Variants in TNFRSF1B observed in about 807,000 individuals in gnomAD.
TNFRSF1B encodes the protein tumor necrosis factor receptor superfamily member 1B.
Under a neutral mutation model 44.6 loss-of-function variants are expected in TNFRSF1B, and 19 were observed. The ratio of observed to expected loss-of-function variants is 0.43; its 90% CI spans 0.30 to 0.62. TNFRSF1B has a LOEUF of 0.62. Among genes scored for constraint, TNFRSF1B ranks in the 20% least tolerant of loss-of-function variants. The probability of loss-of-function intolerance (pLI) is 0.16; values close to 1 mark genes in which losing one functional copy is unlikely to be tolerated. For synonymous variants in TNFRSF1B, 252 were observed against 261.1 expected (o/e 0.97, Z 0.34); for missense variants, 541 against 619.9 (o/e 0.87, Z 1.35).
At chr1:12,200,474 G>A (rs1163953559) in intron 8 of TNFRSF1B, among the ~76,000 whole-genome samples, 1 of 151,980 alleles carries the variant, frequency 6.6e-6, no homozygotes, top group Non-Finnish European at 1.5e-5. Context: ...GGACTGTATG[G>A]TCTCAGTGAC....
chr1:12,206,616 T>A (rs1639508192), intron 9 of TNFRSF1B, 124 bp from the exon 10 acceptor site: 1 of 1,061,876 alleles, frequency 9.4e-7, no homozygotes, highest in Admixed American at 2.9e-5. Flanking sequence ...TGGGCTAGAA[T>A]CTTGGTCTCG....
intron 8 of TNFRSF1B, among the ~76,000 whole-genome samples, chr1:12,201,466 T>C (rs1325703827): frequency 7.1e-6 from 1 of 140,196 alleles, no homozygotes; most frequent in Non-Finnish European, 1.6e-5. Flanking sequence ...TCTCCCTTTA[T>C]AGAGTAAAAA....
rs977522413 is a variant in TNFRSF1B at position 12,168,137 on chromosome 1, G to A, written c.78+968G>A. On this transcript the variant is annotated intron_variant, in intron 1 of 9. Coordinates refer to ENST00000376259, the MANE Select transcript of TNFRSF1B (RefSeq NM_001066.3). The surrounding 1 kb of genome is among the most constrained non-coding windows in gnomAD (Gnocchi z 4.7). ...CTGGGGGGAACTCTTCCTCCAAAGG[G>A]GGCCTCTCCTGCCTTCGGCCCCTGT... is the stretch of plus-strand genomic sequence containing the variant. Among the ~76,000 whole-genome samples, 4 of 152,236 alleles carry A rather than the reference G, an allele frequency of 2.6e-5. No individual in the cohort carries two copies. Among genetic ancestry groups the A allele is most frequent in the African/African-American group, 9.6e-5 (4 of 41,460 alleles).
rs1233140694 is a variant in TNFRSF1B, at chr1:12,171,179, T to TC, written c.78+4010_78+4011insC. Among the ~76,000 whole-genome samples the TC allele has an allele frequency of 1.3e-5, 2 of 149,940 alleles. No homozygotes were observed. The highest frequency in any genetic ancestry group is 3.0e-5 in the Non-Finnish European group (2 of 67,264). On this transcript the variant is annotated intron_variant, in intron 1 of 9. Coordinates refer to ENST00000376259, the MANE Select transcript of TNFRSF1B (RefSeq NM_001066.3). This position sits in a 1 kb window ranked among gnomAD's most constrained non-coding sequence, Gnocchi z 4.5. The stretch of plus-strand genomic sequence containing the variant: ...CACCATGCCCGGCTAATTTTTCCTT[T>TC]TTTTTTTTTTTTTTAGTAGAGACCG...
At position 12,208,269 on chromosome 1, in the gene TNFRSF1B, A is replaced by C. The variant is rs1639558070; in HGVS notation, c.*1249A>C. 1 of 152,736 alleles carries C rather than the reference A, an allele frequency of 6.5e-6. No homozygotes were observed. Among genetic ancestry groups the C allele is most frequent in the Non-Finnish European group, 1.5e-5 (1 of 68,090 alleles). The allele number at this position is 152,736 out of a possible 1,614,324, so 9.5% of individuals were successfully genotyped here. ...TAGAGATGACTGAGTCCTCGTAGCCATCTCTCTACTCCTACCTCAGCCTAG... is the reference window on the plus strand; with the variant it reads ...TAGAGATGACTGAGTCCTCGTAGCCCTCTCTCTACTCCTACCTCAGCCTAG... On this transcript the variant is annotated 3_prime_UTR_variant, in exon 10 of 10. Transcript: ENST00000376259.
chr1:12,198,393 G>A (rs1185779866), intron 8 of TNFRSF1B, among the ~76,000 whole-genome samples: 1 of 152,122 alleles, frequency 6.6e-6, no homozygotes, highest in African/African-American at 2.4e-5. Flanking sequence ...TAATGATCAC[G>A]GCCTGGGACA....
chr1:12,201,471 TAAAA>T (rs79883375), intron 8 of TNFRSF1B, among the ~76,000 whole-genome samples: 1 of 126,648 alleles, frequency 7.9e-6, no homozygotes, highest in Admixed American at 8.1e-5. Flanking sequence ...CTTTATAGAG[TAAAA>T]AAAAAAAAAA....
intron 8 of TNFRSF1B, among the ~76,000 whole-genome samples, chr1:12,200,868 G>A (rs1639376120): frequency 6.6e-6 from 1 of 152,194 alleles, no homozygotes; most frequent in Admixed American, 6.5e-5. Flanking sequence ...TGATCCGCCT[G>A]CCTCAGCCTC....
intron 1 of TNFRSF1B, among the ~76,000 whole-genome samples, chr1:12,170,992 T>G (rs1042794692): frequency 1.3e-5 from 2 of 151,232 alleles, no homozygotes; most frequent in Admixed American, 1.3e-4. Flanking sequence ...CACTTCTTCT[T>G]CTTTTTTTCT....
Position 12,171,565 on chromosome 1 carries a change from T to G in TNFRSF1B, c.78+4396T>G, listed in dbSNP as rs1283337409. ...CTTGACCTATTCTATTTATTTCACT[T>G]TTATTATGTCTTCCCACAAGATTGT... On this transcript the variant is annotated intron_variant, in intron 1 of 9. Transcript: ENST00000376259. The surrounding 1 kb of genome is among the most constrained non-coding windows in gnomAD (Gnocchi z 4.5). Among the ~76,000 whole-genome samples the G allele has an allele frequency of 6.6e-6, 1 of 152,242 alleles. No individual in the cohort carries two copies. The highest frequency in any genetic ancestry group is 1.5e-5 in the Non-Finnish European group (1 of 68,040).
chr1:12,206,717 C>T (rs555457691), intron 9 of TNFRSF1B, 23 bp from the exon 10 acceptor site: 8 of 1,549,578 alleles, frequency 5.2e-6, no homozygotes, highest in Non-Finnish European at 7.0e-6. Flanking sequence ...GGACTGACCC[C>T]CACCCCATCT....
rs955208823 is a variant in TNFRSF1B at position 12,178,079 on chromosome 1, G to C, written c.79-10717G>C. On this transcript the variant is annotated intron_variant, in intron 1 of 9. Transcript: ENST00000376259. The surrounding 1 kb of genome is among the most constrained non-coding windows in gnomAD (Gnocchi z 4.3). The stretch of plus-strand genomic sequence containing the variant: ...CCTCCAATGAGGTGGTGGTGGAGGA[G>C]ACCGTGAGCCGCTGTCACCTGAACA... Among the ~76,000 whole-genome samples the C allele has an allele frequency of 6.6e-6, 1 of 152,242 alleles. No homozygotes were observed.
chr1:12,205,279 C>A (rs1473896915), intron 9 of TNFRSF1B, among the ~76,000 whole-genome samples: 1 of 151,932 alleles, frequency 6.6e-6, no homozygotes, highest in African/African-American at 2.4e-5. Context: ...GCCCAGGGGA[C>A]CTGAAGGGCT....
At chr1:12,170,509 C>T (rs1638497691) in intron 1 of TNFRSF1B, among the ~76,000 whole-genome samples, 1 of 152,220 alleles carries the variant, frequency 6.6e-6, no homozygotes, top group African/African-American at 2.4e-5. Flanking sequence ...CAGTGGCTCC[C>T]CGTAGCACTG....
chr1:12,167,064 A>G lies in TNFRSF1B; in HGVS notation c.-28A>G. ...TGCGAGGGCGCGAGGGCGCGAGGGC[A>G]GGGGGCAACCGGACCCCGCCCGCAC... On this transcript the variant is annotated 5_prime_UTR_variant, in exon 1 of 10. Transcript: ENST00000376259. 1 of 1,281,674 alleles carries G rather than the reference A, an allele frequency of 7.8e-7. No homozygotes were observed. The highest frequency in any genetic ancestry group is 9.9e-7 in the Non-Finnish European group (1 of 1,013,766). The allele number at this position is 1,281,674 out of a possible 1,614,324, so 79.4% of individuals were successfully genotyped here.
In TNFRSF1B at chr1:12,191,699, G is replaced by C. The variant is rs188039160; in HGVS notation, c.308-75G>C. The C allele has an allele frequency of 1.8e-4, 280 of 1,587,372 alleles. No homozygotes were observed. The East Asian group carries it at 5.9e-3, about 34-fold the overall frequency. The stretch of plus-strand genomic sequence containing the variant: ...TCCTGGAGATCCGCTGTCTGAGAGT[G>C]CTGGGCTGTCTGGGAGGGCAGCGTG... On this transcript the variant is annotated intron_variant, in intron 3 of 9. Transcript: ENST00000376259.
rs968980130 is a variant in TNFRSF1B, at chr1:12,208,951, GA to G, written c.*1940del. ...ACAGAGTGAGACCCTGTCTCTTAAA[GA>G]AAAAAAAAGTCAGACTGCTGGGACT... On this transcript the variant is annotated 3_prime_UTR_variant, in exon 10 of 10. Coordinates refer to ENST00000376259, the MANE Select transcript of TNFRSF1B (RefSeq NM_001066.3). 6.6e-5 allele frequency: 10 copies of G among 151,392 alleles called. No individual in the cohort carries two copies. The East Asian group carries it at 1.4e-3, about 20-fold the overall frequency. The allele number at this position is 151,392 out of a possible 1,614,324, so 9.4% of individuals were successfully genotyped here.
chr1:12,170,770 G>A (rs1255432430), intron 1 of TNFRSF1B, among the ~76,000 whole-genome samples: 2 of 150,586 alleles, frequency 1.3e-5, no homozygotes, highest in African/African-American at 2.4e-5. Flanking sequence ...GGGTTCAAAC[G>A]ATTCTCCTGC....
chr1:12,176,004 C>T (rs1040234517), intron 1 of TNFRSF1B, among the ~76,000 whole-genome samples: 4 of 151,148 alleles, frequency 2.6e-5, no homozygotes, highest in Admixed American at 2.6e-4. Flanking sequence ...CACTTGAGGT[C>T]AGGAGTTGGA....
Sources: allele counts gnomAD v4.1 joint callset (sites outside exome capture counted in the v4.1 genomes callset), GRCh38; gene constraint gnomAD v4.1.1; non-coding constraint Gnocchi (gnomAD v3.1); transcripts MANE v1.5; gene names NCBI Gene and HGNC (gene_info 2026-07-23, HGNC 2026-07-21).